ZNF532: variants seen among roughly 807,000 people sequenced by gnomAD.
The protein encoded by ZNF532 is zinc finger protein 532.
Under a neutral mutation model 89.3 loss-of-function variants are expected in ZNF532, and 22 were observed. The ratio of observed to expected loss-of-function variants is 0.25; its 90% CI spans 0.18 to 0.35. The LOEUF (loss-of-function observed/expected upper bound fraction) is 0.35. Ranked by LOEUF, ZNF532 falls within the 10% of genes least tolerant of loss-of-function variation. The probability of loss-of-function intolerance (pLI) is 1.00; values close to 1 mark genes in which losing one functional copy is unlikely to be tolerated. For synonymous variants in ZNF532, 606 were observed against 649.6 expected (o/e 0.93, Z 1.02); for missense variants, 1,132 against 1,643.4 (o/e 0.69, Z 5.38).
At chr18:58,935,096 A>C (rs1209830847) in intron 4 of ZNF532, among the ~76,000 whole-genome samples, 2,494 of 22,230 alleles carry the variant, frequency 0.11, no homozygotes, top group Admixed American at 0.14. Context: ...CCTCCTCCCC[A>C]CTCCTCCTCC....
chr18:58,908,513 C>A (rs1052479624), intron 2 of ZNF532, among the ~76,000 whole-genome samples: 1 of 151,932 alleles, frequency 6.6e-6, no homozygotes, highest in Non-Finnish European at 1.5e-5. Flanking sequence ...TTATAACTAG[C>A]AAAAACATAA....
chr18:58,920,738 G>A (rs969156676), intron 3 of ZNF532, 105 bp downstream of exon 3: 2 of 4,084 alleles, frequency 4.9e-4, no homozygotes, highest in Admixed American at 8.1e-3. Flanking sequence ...AAATGGACGT[G>A]TGTGTGTGTG....
At chr18:58,901,873 C>T (rs1009230969) in intron 2 of ZNF532, among the ~76,000 whole-genome samples, 75 of 152,262 alleles carry the variant, frequency 4.9e-4, no homozygotes, top group African/African-American at 1.8e-3. Flanking sequence ...TGCTGACTTG[C>T]TGGTCGCCTG....
intron 7 of ZNF532, among the ~76,000 whole-genome samples, chr18:58,959,282 T>G (rs1449611920): frequency 5.0e-5 from 7 of 139,872 alleles, no homozygotes; most frequent in African/African-American, 8.1e-5. Context: ...TTTTTTTTGG[T>G]TTTTTTTTTT....
intron 7 of ZNF532, among the ~76,000 whole-genome samples, chr18:58,966,447 C>G (rs1221692620): frequency 6.6e-6 from 1 of 152,080 alleles, no homozygotes; most frequent in Non-Finnish European, 1.5e-5. Context: ...GGATCATGAA[C>G]AAGAATCTGG....
rs138317033 is a variant in ZNF532 at position 58,887,888 on chromosome 18, G to A, written c.-18+22309G>A. On this transcript the variant is annotated intron_variant, in intron 2 of 9. Coordinates refer to ENST00000591808, the MANE Select transcript of ZNF532 (RefSeq NM_001375912.1). ...AAGCTGCTTTATCCCTGCGTCCCCCGGGGCAGAGGGGAGCAGAAATAATAT... is the reference window on the plus strand; with the variant it reads ...AAGCTGCTTTATCCCTGCGTCCCCCAGGGCAGAGGGGAGCAGAAATAATAT... Among the ~76,000 whole-genome samples, 399 of 152,270 alleles carry A rather than the reference G, an allele frequency of 2.6e-3. 3 individuals are homozygous for A. The Middle Eastern group carries it at 0.044, about 17-fold the overall frequency.
At chr18:58,941,713 C>T (rs1485998994) in intron 5 of ZNF532, among the ~76,000 whole-genome samples, 1 of 152,158 alleles carries the variant, frequency 6.6e-6, no homozygotes, top group Non-Finnish European at 1.5e-5. Flanking sequence ...AAGCAGTCCT[C>T]TCAAAGTGCT....
chr18:58,886,682 G>C (rs2145142798), intron 2 of ZNF532, among the ~76,000 whole-genome samples: 1 of 152,240 alleles, frequency 6.6e-6, no homozygotes, highest in South Asian at 2.1e-4. Flanking sequence ...GCTTTGCTAT[G>C]TTACAAATAA....
chr18:58,865,536 T>A lies in ZNF532; in HGVS notation c.-61T>A, dbSNP rs903192189. The A allele has an allele frequency of 6.5e-6, 1 of 153,220 alleles. No individual in the cohort carries two copies. Among genetic ancestry groups the A allele is most frequent in the Non-Finnish European group, 1.5e-5 (1 of 68,166 alleles). The allele number at this position is 153,220 out of a possible 1,614,324, so 9.5% of individuals were successfully genotyped here. A position where few individuals can be genotyped will look rare whatever the true frequency, so the allele number is the denominator to read the frequency against. On this transcript the variant is annotated 5_prime_UTR_variant, in exon 2 of 10. The change abolishes the stop of an existing upstream ORF in the 5' untranslated region. Coordinates refer to ENST00000591808, the MANE Select transcript of ZNF532 (RefSeq NM_001375912.1). ...GAGAATGCAGCCGTGTGACAGTAAC[T>A]GAACATTGGTCTAAAGTCTTTCCAA...
At chr18:58,942,230 G>A (rs940175544) in intron 5 of ZNF532, among the ~76,000 whole-genome samples, 2 of 150,950 alleles carry the variant, frequency 1.3e-5, no homozygotes, top group African/African-American at 2.4e-5. Flanking sequence ...CACCGTGTTA[G>A]CCAGGATGGT....
At chr18:58,908,191 G>A (rs2060055460) in intron 2 of ZNF532, among the ~76,000 whole-genome samples, 1 of 152,140 alleles carries the variant, frequency 6.6e-6, no homozygotes, top group African/African-American at 2.4e-5. Flanking sequence ...TTTTTTAGGT[G>A]GAAAATTTTT....
intron 7 of ZNF532, among the ~76,000 whole-genome samples, chr18:58,959,643 C>T (rs572785431): frequency 6.6e-6 from 1 of 152,252 alleles, no homozygotes; most frequent in South Asian, 2.1e-4. Context: ...ATTCTGGCAC[C>T]ACAACTACCA....
rs375729046 is a variant in ZNF532, at chr18:58,918,544, G to A, written c.257G>A (p.Gly86Asp). 309 of 1,614,034 alleles carry A rather than the reference G, an allele frequency of 1.9e-4. 1 individual carries two copies. The highest frequency in any genetic ancestry group is 2.5e-4 in the Non-Finnish European group (293 of 1,180,042). The change falls in exon 3 of 10, where the codon GGC becomes GAC. Residue 86 changes from glycine to aspartate, a missense_variant. Coordinates refer to ENST00000591808, the MANE Select transcript of ZNF532 (RefSeq NM_001375912.1). ...GAGAAAGACGGCCACAACCCCACTG[G>A]CAATGGCTTACATAATGGGTTTCTC... ...GGEKDGHNPT[G>D]NGLHNGFLTA...
chr18:58,887,514 C>T (rs1417876974), intron 2 of ZNF532, among the ~76,000 whole-genome samples: 2 of 152,004 alleles, frequency 1.3e-5, no homozygotes, highest in African/African-American at 4.8e-5. Context: ...GGTTATTGTT[C>T]GATGCATATT....
intron 2 of ZNF532, among the ~76,000 whole-genome samples, chr18:58,896,905 C>T (rs1216619261): frequency 1.3e-5 from 2 of 152,114 alleles, no homozygotes; most frequent in African/African-American, 2.4e-5. Context: ...AGACAAGATC[C>T]CTGTCCCATG....
intron 7 of ZNF532, among the ~76,000 whole-genome samples, chr18:58,959,270 G>GTTTT (rs1460137767): frequency 7.0e-5 from 9 of 127,698 alleles, no homozygotes; most frequent in African/African-American, 2.0e-4. Flanking sequence ...GTTTTTTTTT[G>GTTTT]TTTTTTTTTG....
rs577650169 is a variant in ZNF532, at chr18:58,966,060, G to A, written c.3150+12261G>A. The stretch of plus-strand genomic sequence containing the variant: ...TGGGTAGGACCTGGGTAGGAGTGAA[G>A]TCTATTTTTAAATTTCTCTAGATAA... On this transcript the variant is annotated intron_variant, in intron 7 of 9. Transcript: ENST00000591808. Among the ~76,000 whole-genome samples the A allele has an allele frequency of 1.9e-3, 293 of 152,234 alleles. 3 individuals are homozygous for A. Among genetic ancestry groups the A allele is most frequent in the Middle Eastern group, 0.01 (3 of 294 alleles).
rs1022048343 is a variant in ZNF532 at position 58,872,768 on chromosome 18, C to T, written c.-18+7189C>T. On this transcript the variant is annotated intron_variant, in intron 2 of 9. Coordinates refer to ENST00000591808, the MANE Select transcript of ZNF532 (RefSeq NM_001375912.1). ...AGGCTGGAGTACAGTGGCGTGATCTCGGCTCACTGCAACCTCCGCCTTCCG... is the reference window on the plus strand; with the variant it reads ...AGGCTGGAGTACAGTGGCGTGATCTTGGCTCACTGCAACCTCCGCCTTCCG... Among the ~76,000 whole-genome samples the T allele has an allele frequency of 2.7e-5, 4 of 149,072 alleles. No homozygotes were observed. The Admixed American group carries it at 2.7e-4, about 10-fold the overall frequency.
At chr18:58,871,387 C>A (rs991086995) in intron 2 of ZNF532, among the ~76,000 whole-genome samples, 1 of 152,194 alleles carries the variant, frequency 6.6e-6, no homozygotes, top group Non-Finnish European at 1.5e-5. Flanking sequence ...ACCACCGCAG[C>A]AGCTATTATG....
Sources: allele counts gnomAD v4.1 joint callset (sites outside exome capture counted in the v4.1 genomes callset), GRCh38; gene constraint gnomAD v4.1.1; transcripts MANE v1.5; gene names NCBI Gene and HGNC (gene_info 2026-07-23, HGNC 2026-07-21).